The following DOCK1 variants were observed in gnomAD, a reference collection of about 807,000 sequenced individuals.
DOCK1 encodes dedicator of cytokinesis 1.
In DOCK1, 138 loss-of-function variants were observed where a neutral mutation model predicts 262.7. The ratio of observed to expected loss-of-function variants is 0.53; its 90% CI spans 0.46 to 0.61. The LOEUF is 0.61. Among genes scored for constraint, DOCK1 ranks in the 20% least tolerant of loss-of-function variants. The probability of loss-of-function intolerance (pLI) is 0.00; values close to 1 mark genes in which losing one functional copy is unlikely to be tolerated. For synonymous variants in DOCK1, 866 were observed against 867.4 expected, an observed-to-expected ratio of 1.00 and a Z score of 0.03; for missense variants, 1,908 against 2,370.7, an observed-to-expected ratio of 0.80 and a Z score of 4.05.
intron 38 of DOCK1, among the ~76,000 whole-genome samples, chr10:127,391,960 C>T (rs2066502413): frequency 6.7e-6 from 1 of 150,052 alleles, no homozygotes; most frequent in Non-Finnish European, 1.5e-5. Context: ...GCGATCCAGG[C>T]CTCTCACCTG....
intron 33 of DOCK1, among the ~76,000 whole-genome samples, chr10:127,369,017 C>T (rs765517390): frequency 1.8e-4 from 28 of 152,140 alleles, no homozygotes; most frequent in Non-Finnish European, 3.2e-4. Flanking sequence ...TAAAATGCTG[C>T]ACAACTTCCA....
intron 14 of DOCK1, among the ~76,000 whole-genome samples, chr10:127,024,011 C>T (rs2042642232): frequency 6.6e-6 from 1 of 152,178 alleles, no homozygotes; most frequent in Non-Finnish European, 1.5e-5. Flanking sequence ...GCTTCCGTGG[C>T]CACAGCAGCC....
At chr10:127,195,228 T>C (rs1291400543) in intron 27 of DOCK1, among the ~76,000 whole-genome samples, 1 of 152,166 alleles carries the variant, frequency 6.6e-6, no homozygotes, top group Non-Finnish European at 1.5e-5. Flanking sequence ...GACTTTGGGC[T>C]CCAGGAGCTG....
intron 1 of DOCK1, among the ~76,000 whole-genome samples, chr10:126,933,283 C>T (rs888709582): frequency 2.0e-5 from 3 of 152,298 alleles, no homozygotes; most frequent in Admixed American, 1.3e-4. Flanking sequence ...ACAGCGGCAG[C>T]CTCTCCCAGT....
chr10:126,930,865 A>G (rs2034134771), intron 1 of DOCK1, among the ~76,000 whole-genome samples: 1 of 152,006 alleles, frequency 6.6e-6, no homozygotes, highest in African/African-American at 2.4e-5. Flanking sequence ...GTTTTTGGCT[A>G]TTTGGACATC....
chr10:127,388,449 C>CT (rs1191230895), intron 38 of DOCK1, among the ~76,000 whole-genome samples: 2 of 152,190 alleles, frequency 1.3e-5, no homozygotes, highest in Non-Finnish European at 2.9e-5. Context: ...TTTGAAGTAT[C>CT]TGAGTGATCA....
rs151191916 is a variant in DOCK1 at position 127,287,075 on chromosome 10, T to G, written c.3044+29646T>G. On this transcript the variant is annotated intron_variant, in intron 29 of 51. Coordinates refer to ENST00000623213, the MANE Select transcript of DOCK1 (RefSeq NM_001290223.2). ...AGCACCTGCCACCAAGCCCAGCTAA[T>G]TTTTTGTATTTTTAGTAGAGGCTGG... 3.1e-3 allele frequency among the ~76,000 whole-genome samples: 466 copies of G among 152,050 alleles called. 8 individuals are homozygous for G. Among genetic ancestry groups the G allele is most frequent in the African/African-American group, 0.011 (445 of 41,488 alleles).
At chr10:127,000,121 T>C (rs2135144785) in intron 9 of DOCK1, 51 bp from the exon 10 acceptor site, 1 of 1,599,180 alleles carries the variant, frequency 6.3e-7, no homozygotes, top group African/African-American at 1.3e-5. Flanking sequence ...CATTGGAGCT[T>C]GCATTGAATA....
In DOCK1 at chr10:126,981,275, C is replaced by T. The variant is rs537324490; in HGVS notation, c.172-643C>T. Among the ~76,000 whole-genome samples the T allele has an allele frequency of 3.3e-5, 5 of 152,330 alleles. No homozygotes were observed. In the East Asian group the frequency reaches 9.7e-4, roughly 29 times the overall value. On this transcript the variant is annotated intron_variant, in intron 3 of 51. Coordinates refer to ENST00000623213, the MANE Select transcript of DOCK1 (RefSeq NM_001290223.2). ...CTTGATAAAGCTCTTTCTGGCACTT[C>T]ACAGAATGTGCCTGAGGCTGAATGT... is the stretch of plus-strand genomic sequence containing the variant.
chr10:127,233,265 TGATAA>T (rs1350040128), intron 27 of DOCK1, among the ~76,000 whole-genome samples: 1 of 152,232 alleles, frequency 6.6e-6, no homozygotes. Flanking sequence ...CTCTAAATTT[TGATAA>T]GATTGATGAA....
Position 127,271,746 on chromosome 10 carries a change from G to A in DOCK1, c.3044+14317G>A, listed in dbSNP as rs545221294. Among the ~76,000 whole-genome samples the A allele has an allele frequency of 7.2e-5, 11 of 152,324 alleles. No individual in the cohort carries two copies. The East Asian group carries it at 1.3e-3, about 19-fold the overall frequency. On this transcript the variant is annotated intron_variant, in intron 29 of 51. Coordinates refer to ENST00000623213, the MANE Select transcript of DOCK1 (RefSeq NM_001290223.2). ...TGTGTAACTGCTGGGCTGAAAGAAG[G>A]TGTATCCCTAGGAAATGTTCTAGGA... is the stretch of plus-strand genomic sequence containing the variant.
chr10:126,908,164 G>C (rs1454526347), intron 1 of DOCK1, among the ~76,000 whole-genome samples: 4 of 152,170 alleles, frequency 2.6e-5, no homozygotes, highest in Admixed American at 6.5e-5. Flanking sequence ...AGCGCAATGG[G>C]GCCATCCCAG....
chr10:127,260,533 T>C (rs966233229), intron 29 of DOCK1, among the ~76,000 whole-genome samples: 1 of 152,190 alleles, frequency 6.6e-6, no homozygotes, highest in Non-Finnish European at 1.5e-5. Context: ...TTGAGCAGTG[T>C]TTCCTCCATG....
rs774823817 is a variant in DOCK1 at position 127,403,072 on chromosome 10, T to A, written c.3945T>A (p.Ile1315=). ...ACTCACAGATGTGGGAGGAGGCCAT[T>A]GCCTTGGGCAAGGAGCTAGCCGAGC... ...FDKGKMWEEA[I]ALGKELAEQY... is the part of the protein sequence containing the mutation. The change falls in exon 39 of 52, where the codon ATT becomes ATA. Residue 1315 remains isoleucine (I), a synonymous_variant. Transcript: ENST00000623213. The A allele has an allele frequency of 2.5e-6, 4 of 1,612,536 alleles. No homozygotes were observed. The highest frequency in any genetic ancestry group is 8.5e-7 in the Non-Finnish European group (1 of 1,179,384).
At chr10:126,950,498 A>T (rs1261031701) in intron 1 of DOCK1, among the ~76,000 whole-genome samples, 1 of 152,122 alleles carries the variant, frequency 6.6e-6, no homozygotes, top group Non-Finnish European at 1.5e-5. Flanking sequence ...TTCTGGAATA[A>T]GGGCAATGGG....
chr10:127,413,710 A>T (rs917053057), intron 43 of DOCK1, among the ~76,000 whole-genome samples: 1 of 152,170 alleles, frequency 6.6e-6, no homozygotes, highest in South Asian at 2.1e-4. Context: ...AATCTGGTCT[A>T]GAGGTGGATG....
At chr10:126,917,061 A>G (rs1024748686) in intron 1 of DOCK1, among the ~76,000 whole-genome samples, 1 of 151,420 alleles carries the variant, frequency 6.6e-6, no homozygotes, top group African/African-American at 2.4e-5. Flanking sequence ...GCGGTGTTTC[A>G]GAATTCCAGT....
At chr10:127,196,026 G>A (rs1396601002) in intron 27 of DOCK1, 1 of 152,062 alleles carries the variant, frequency 6.6e-6, no homozygotes, top group Non-Finnish European at 1.5e-5. Context: ...AGTCGAGGTC[G>A]ATGCAGCGCC....
chr10:127,072,219 G>T (rs975020058), intron 23 of DOCK1, among the ~76,000 whole-genome samples: 4 of 152,168 alleles, frequency 2.6e-5, no homozygotes, highest in Non-Finnish European at 5.9e-5. Flanking sequence ...GTACCTCATT[G>T]TTGAGTTATG....
Sources: gnomAD v4.1 joint callset for allele counts (sites outside exome capture counted in the v4.1 genomes callset) on GRCh38, gnomAD v4.1.1 for gene constraint, MANE v1.5 for transcripts, NCBI Gene and HGNC (gene_info 2026-07-23, HGNC 2026-07-21) for gene names.